Variants in JADE1 observed in about 807,000 individuals in gnomAD.
The protein encoded by JADE1 is jade family PHD finger 1, also known as protein Jade-1.
JADE1 carries 14 observed loss-of-function variants against 81.8 expected under a neutral mutation model. The observed-to-expected ratio is 0.17, with a 90% CI of 0.11 to 0.27. The LOEUF (loss-of-function observed/expected upper bound fraction) is 0.27. Among genes scored for constraint, JADE1 ranks in the 10% least tolerant of loss-of-function variants. The probability of loss-of-function intolerance (pLI) is 1.00; values close to 1 mark genes in which losing one functional copy is unlikely to be tolerated. For synonymous variants in JADE1, 353 were observed against 391.9 expected (o/e 0.90, Z 1.17); for missense variants, 690 against 1,047.9 (o/e 0.66, Z 4.71).
rs869238548 is a variant in JADE1 at position 128,820,118 on chromosome 4, C to CT, written c.-27+10252dup. Among the ~76,000 whole-genome samples, 420 of 48,466 alleles carry CT rather than the reference C, an allele frequency of 8.7e-3. 2 individuals carry two copies. Among genetic ancestry groups the CT allele is most frequent in the African/African-American group, 0.012 (361 of 29,894 alleles). The allele number at this position is 48,466 out of a possible 152,430, so 31.8% of individuals were successfully genotyped here. ...TTATGGGTTTCTTTTGGGAAGATTT[C>CT]TTTTTTTTTTTGAGATGGAGTCTTG... On this transcript the variant is annotated intron_variant, in intron 1 of 10. Transcript: ENST00000226319.
intron 5 of JADE1, 136 bp from the exon 6 acceptor site, chr4:128,851,921 C>T: frequency 4.5e-6 from 3 of 667,878 alleles, no homozygotes; most frequent in South Asian, 2.1e-5. Context: ...CACGCCTGGC[C>T]AGTGATTGGA....
At chr4:128,823,279 T>C (rs1371239011) in intron 1 of JADE1, among the ~76,000 whole-genome samples, 1 of 152,222 alleles carries the variant, frequency 6.6e-6, no homozygotes, top group Non-Finnish European at 1.5e-5. Flanking sequence ...GGATTATTTA[T>C]ACATTGGCAA....
At chr4:128,834,985 TAA>T (rs1317420624) in intron 2 of JADE1, among the ~76,000 whole-genome samples, 2 of 137,234 alleles carry the variant, frequency 1.5e-5, no homozygotes, top group Admixed American at 7.1e-5. Context: ...ATCTCTATTT[TAA>T]AAAAAAAAAA....
At chr4:128,855,500 G>GT (rs1406580287) in intron 6 of JADE1, 130 bp from the exon 7 acceptor site, 1 of 964,710 alleles carries the variant, frequency 1.0e-6, no homozygotes, top group African/African-American at 1.6e-5. Context: ...CCAGGAAGCT[G>GT]TGGGAGCGTC....
In JADE1 at chr4:128,872,673, C is replaced by T. The variant is rs1732283123; in HGVS notation, c.*411C>T. 3.7e-6 allele frequency: 1 copy of T among 271,538 alleles called. No individual in the cohort carries two copies. Among genetic ancestry groups the T allele is most frequent in the African/African-American group, 2.2e-5 (1 of 45,416 alleles). 16.8% of individuals were successfully genotyped at this position (271,538 alleles called of 1,614,324 possible). A position where few individuals can be genotyped will look rare whatever the true frequency, so the allele number is the denominator to read the frequency against. On this transcript the variant is annotated 3_prime_UTR_variant, in exon 11 of 11. Transcript: ENST00000226319. ...CTTGAGAAACCCTCATGGTACCATT[C>T]ACAGCCCATAAAGTTTATTTTCTAG...
intron 5 of JADE1, among the ~76,000 whole-genome samples, chr4:128,849,643 T>A (rs527628724): frequency 5.3e-5 from 8 of 152,368 alleles, no homozygotes; most frequent in Admixed American, 5.2e-4. Flanking sequence ...CCTTATGTCA[T>A]GCTGCAAACC....
At position 128,848,963 on chromosome 4, in the gene JADE1, GT is replaced by G. The variant is rs763150345; in HGVS notation, c.297-10del. On this transcript the variant is annotated splice_polypyrimidine_tract_variant and intron_variant, in intron 4 of 10. Coordinates refer to ENST00000226319, the MANE Select transcript of JADE1 (RefSeq NM_199320.4). ...GCTGAAAGGGTAACCTGGCTGCCTT[GT>G]TTTTTTATTATCCAGGGTTGTGTCT... 1.1e-5 allele frequency: 17 copies of G among 1,611,920 alleles called. No homozygotes were observed. Among genetic ancestry groups the G allele is most frequent in the Non-Finnish European group, 1.4e-5 (17 of 1,179,158 alleles).
chr4:128,868,367 T>A (rs1731938215), intron 10 of JADE1, among the ~76,000 whole-genome samples: 1 of 152,232 alleles, frequency 6.6e-6, no homozygotes, highest in African/African-American at 2.4e-5. Flanking sequence ...ATATTCAGCC[T>A]TGGGCTCTAT....
intron 1 of JADE1, among the ~76,000 whole-genome samples, chr4:128,813,974 A>G (rs548827797): frequency 1.7e-3 from 264 of 152,062 alleles, no homozygotes; most frequent in Middle Eastern, 6.8e-3. Flanking sequence ...CAGACTGCTT[A>G]CTAGTAAAAG....
chr4:128,825,439 C>T (rs1167383007), intron 1 of JADE1, among the ~76,000 whole-genome samples: 1 of 152,202 alleles, frequency 6.6e-6, no homozygotes, highest in Non-Finnish European at 1.5e-5. Context: ...GGTCACTGAA[C>T]TTGTTCGCTC....
chr4:128,864,142 T>C lies in JADE1; in HGVS notation c.1503+1917T>C, dbSNP rs1731599143. On this transcript the variant is annotated intron_variant, in intron 9 of 10. Transcript: ENST00000226319. ...AGCCTAAGGAACTTTAAAGAATTTG[T>C]ATTCAGTTTATTTTTATTTTTTCAA... is the stretch of plus-strand genomic sequence containing the variant. The C allele has an allele frequency of 3.1e-6, 3 of 975,770 alleles. No homozygotes were observed. In the Admixed American group the frequency reaches 1.8e-4, roughly 60 times the overall value. The allele number at this position is 975,770 out of a possible 1,614,324, so 60.4% of individuals were successfully genotyped here.
chr4:128,872,082 A>C lies in JADE1; in HGVS notation c.2349A>C (p.Arg783=). The C allele has an allele frequency of 6.2e-7, 1 of 1,614,172 alleles. No homozygotes were observed. The highest frequency in any genetic ancestry group is 8.5e-7 in the Non-Finnish European group (1 of 1,180,012). Residue 783 remains arginine (R), a synonymous_variant, in exon 11 of 11, where the codon CGA becomes CGC. Transcript: ENST00000226319. The part of the protein sequence containing the change: ...HSDYPYLGLG[R]VPAKERAKSK... The stretch of plus-strand genomic sequence containing the variant: ...ACTACCCATATTTGGGCTTAGGCCG[A>C]GTTCCAGCCAAGGAAAGGGCAAAAA...
intron 5 of JADE1, among the ~76,000 whole-genome samples, 167 bp downstream of exon 5, chr4:128,849,334 G>C (rs1301440738): frequency 6.6e-6 from 1 of 152,210 alleles, no homozygotes; most frequent in East Asian, 1.9e-4. Flanking sequence ...CTGTTTGGCT[G>C]TGTCAGATGT....
At chr4:128,858,011 A>C (rs1730939368) in intron 8 of JADE1, among the ~76,000 whole-genome samples, 1 of 152,272 alleles carries the variant, frequency 6.6e-6, no homozygotes, top group South Asian at 2.1e-4. Context: ...GGCATCTGTG[A>C]GGAGTTCCTG....
chr4:128,861,596 C>T (rs1265895892), intron 8 of JADE1, 108 bp from the exon 9 acceptor site: 2 of 1,218,082 alleles, frequency 1.6e-6, no homozygotes, highest in East Asian at 2.3e-5. Context: ...ATGCTTGAAG[C>T]ATGGCTCTTC....
chr4:128,862,406 A>C, intron 9 of JADE1, 181 bp downstream of exon 9: 2 of 1,424,270 alleles, frequency 1.4e-6, no homozygotes, highest in South Asian at 3.2e-5. Flanking sequence ...ACATATGTGC[A>C]AAACTGCTAC....
intron 1 of JADE1, among the ~76,000 whole-genome samples, chr4:128,819,148 C>G (rs1253587688): frequency 6.6e-6 from 1 of 152,224 alleles, no homozygotes; most frequent in East Asian, 1.9e-4. Flanking sequence ...CTGCTGGTGG[C>G]TGAGCTCCCT....
In JADE1 at chr4:128,857,398, A is replaced by G; in HGVS notation, c.925A>G (p.Ser309Gly). The part of the protein sequence containing the change: ...PITKVSHIPS[S>G]RWALVCSLCN... ...CACCAAGGTGTCACACATTCCCAGC[A>G]GCCGGTGGGCGCTAGTGTGCAGCCT... is the stretch of plus-strand genomic sequence containing the variant. Residue 309 changes from serine to glycine, a missense_variant, in exon 8 of 11, where the codon AGC becomes GGC. Ser to Gly is a moderately conservative substitution (Grantham distance 56, BLOSUM62 0). Around this residue, in one of 8 missense-constraint regions of JADE1, gnomAD observed 84 missense variants for 226.6 expected, o/e 0.37. Transcript: ENST00000226319. 6.2e-7 allele frequency: 1 copy of G among 1,614,202 alleles called. No individual in the cohort carries two copies. Among genetic ancestry groups the G allele is most frequent in the Non-Finnish European group, 8.5e-7 (1 of 1,180,028 alleles).
chr4:128,848,879 G>A, intron 4 of JADE1, 101 bp from the exon 5 acceptor site: 1 of 1,106,828 alleles, frequency 9.0e-7, no homozygotes, highest in Non-Finnish European at 1.3e-6. Context: ...ATGACCTGGG[G>A]CTCTAAGGGT....
Sources: allele counts gnomAD v4.1 joint callset (sites outside exome capture counted in the v4.1 genomes callset), GRCh38; gene constraint gnomAD v4.1.1; regional missense constraint gnomAD v4.1.1; transcripts MANE v1.5; gene names NCBI Gene and HGNC (gene_info 2026-07-23, HGNC 2026-07-21).